Variants in CSMD1 observed in about 807,000 individuals in gnomAD.
CSMD1 encodes the protein CUB and sushi domain-containing protein 1.
CSMD1 carries 213 observed loss-of-function variants against 417.5 expected under a neutral mutation model. The ratio of observed to expected loss-of-function variants is 0.51; its 90% confidence interval spans 0.46 to 0.57. The LOEUF (loss-of-function observed/expected upper bound fraction) is 0.57, where lower values mean the gene tolerates loss of function less well. CSMD1 is among the 20% of genes least tolerant of loss of function. The probability of loss-of-function intolerance (pLI) is 0.00; values close to 1 mark genes in which losing one functional copy is unlikely to be tolerated. For missense variants in CSMD1, 6,923 were observed against 4,529.7 expected, an observed-to-expected ratio of 1.53 and a Z score of -15.17; for synonymous variants, 2,862 against 1,736.8, an observed-to-expected ratio of 1.65 and a Z score of -16.11.
At position 4,073,168 on chromosome 8, in the gene CSMD1, A is replaced by T. The variant is rs114034164; in HGVS notation, c.416-41069T>A. On this transcript the variant is annotated intron_variant, in intron 3 of 69. Transcript: ENST00000635120. ...CTTTTGTGATTTCACTTTTAGAAAA[A>T]ATCGAGATGAAGCACTTCAAAGAAC... 4.9e-3 allele frequency among the ~76,000 whole-genome samples: 752 copies of T among 152,292 alleles called. 8 individuals are homozygous for T. The highest frequency in any genetic ancestry group is 0.017 in the African/African-American group (720 of 41,558).
At chr8:2,949,188 A>G in intron 68 of CSMD1, 111 bp downstream of exon 68, 1 of 633,368 alleles carries the variant, frequency 1.6e-6, no homozygotes, top group Non-Finnish European at 2.8e-6. Context: ...AGTCTCTCTC[A>G]TTATTTTTGT....
At chr8:3,117,958 C>G (rs549015159) in intron 42 of CSMD1, among the ~76,000 whole-genome samples, 1 of 152,248 alleles carries the variant, frequency 6.6e-6, no homozygotes, top group South Asian at 2.1e-4. Context: ...TTCTGAAATG[C>G]AAAATCAATA....
chr8:3,354,978 G>C (rs1053464447), intron 21 of CSMD1, among the ~76,000 whole-genome samples: 3 of 90,884 alleles, frequency 3.3e-5, no homozygotes, highest in African/African-American at 1.0e-4. Context: ...TGTTAAACTA[G>C]ATATAAATTA....
At chr8:4,466,557 G>A (rs897824238) in intron 2 of CSMD1, among the ~76,000 whole-genome samples, 1 of 152,188 alleles carries the variant, frequency 6.6e-6, no homozygotes. Flanking sequence ...GAGCAAAAAT[G>A]GGCAAACAAA....
intron 3 of CSMD1, among the ~76,000 whole-genome samples, chr8:4,375,424 G>C (rs1802669955): frequency 1.3e-5 from 2 of 152,096 alleles, no homozygotes; most frequent in Non-Finnish European, 2.9e-5. Flanking sequence ...CAAGCATCTT[G>C]TACTACCCCA....
intron 12 of CSMD1, among the ~76,000 whole-genome samples, chr8:3,446,158 GC>G (rs1337180435): frequency 6.6e-6 from 1 of 152,136 alleles, no homozygotes; most frequent in African/African-American, 2.4e-5. Context: ...AATTGCCATG[GC>G]CCCAGGGAGA....
intron 20 of CSMD1, among the ~76,000 whole-genome samples, chr8:3,363,233 T>G (rs1312808343): frequency 6.6e-6 from 1 of 152,118 alleles, no homozygotes; most frequent in African/African-American, 2.4e-5. Flanking sequence ...AATTAAAGAA[T>G]GAGCGTACTC....
At chr8:4,085,601 A>G (rs564652045) in intron 3 of CSMD1, among the ~76,000 whole-genome samples, 2 of 152,296 alleles carry the variant, frequency 1.3e-5, no homozygotes, top group Admixed American at 6.5e-5. Flanking sequence ...GCTTGCAACA[A>G]CTTGTGGGAA....
chr8:3,520,549 TCATTTCTAGAAGTGCGTA>T (rs1043463980), intron 10 of CSMD1, among the ~76,000 whole-genome samples: 6 of 152,320 alleles, frequency 3.9e-5, no homozygotes, highest in East Asian at 1.9e-4. Context: ...TCAAATCCCA[TCATTTCTAGAAGTGCGTA>T]CATTTAACCT....
chr8:4,242,259 C>G lies in CSMD1; in HGVS notation c.415+177694G>C, dbSNP rs145692408. ...ATTTGCCAATCTTTATAAACATCATCTTCTGTGAATGCTTTACAGTGAAGG... is the reference window on the plus strand; with the variant it reads ...ATTTGCCAATCTTTATAAACATCATGTTCTGTGAATGCTTTACAGTGAAGG... On this transcript the variant is annotated intron_variant, in intron 3 of 69. Transcript: ENST00000635120. Among the ~76,000 whole-genome samples the G allele has an allele frequency of 2.0e-4, 30 of 152,188 alleles. No homozygotes were observed. In the East Asian group the frequency reaches 5.6e-3, roughly 28 times the overall value.
intron 3 of CSMD1, among the ~76,000 whole-genome samples, chr8:4,271,496 T>C (rs1258271176): frequency 2.6e-5 from 4 of 151,568 alleles, no homozygotes; most frequent in African/African-American, 9.7e-5. Flanking sequence ...GAGAAAAAAC[T>C]GCATCAAAAT....
intron 26 of CSMD1, among the ~76,000 whole-genome samples, chr8:3,243,451 G>T (rs1449112888): frequency 1.4e-5 from 2 of 145,152 alleles, no homozygotes; most frequent in African/African-American, 2.5e-5. Context: ...GTAGGTAAAG[G>T]AAAATTACAG....
At chr8:4,454,838 T>C (rs1314944816) in intron 2 of CSMD1, among the ~76,000 whole-genome samples, 1 of 152,070 alleles carries the variant, frequency 6.6e-6, no homozygotes, top group African/African-American at 2.4e-5. Flanking sequence ...AGCAAAGGTT[T>C]TTTTCCACAG....
At position 4,859,837 on chromosome 8, in the gene CSMD1, T is replaced by C. The variant is rs951013082; in HGVS notation, c.85+134495A>G. Among the ~76,000 whole-genome samples the C allele has an allele frequency of 5.3e-5, 8 of 152,282 alleles. 1 individual carries two copies. Among genetic ancestry groups the C allele is most frequent in the Middle Eastern group, 3.4e-3 (1 of 294 alleles). ...GGACTGTAAACTAGTTCAACCATTGTGGAAGTCAGTGTGGCGATTCCTCAG... is the reference window on the plus strand; with the variant it reads ...GGACTGTAAACTAGTTCAACCATTGCGGAAGTCAGTGTGGCGATTCCTCAG... On this transcript the variant is annotated intron_variant, in intron 1 of 69. Transcript: ENST00000635120.
chr8:4,225,015 G>C (rs955892197), intron 3 of CSMD1, among the ~76,000 whole-genome samples: 3 of 152,182 alleles, frequency 2.0e-5, no homozygotes, highest in Admixed American at 6.5e-5. Context: ...GGGAGGCTGA[G>C]GCAAGACAAT....
At chr8:3,419,736 A>G (rs1442600339) in intron 12 of CSMD1, among the ~76,000 whole-genome samples, 1 of 152,242 alleles carries the variant, frequency 6.6e-6, no homozygotes, top group Non-Finnish European at 1.5e-5. Flanking sequence ...CCAACATGTC[A>G]AGAAAAAAAT....
At chr8:4,412,554 TTTATACTAATACAAGA>T (rs1001839980) in intron 3 of CSMD1, among the ~76,000 whole-genome samples, 1 of 152,184 alleles carries the variant, frequency 6.6e-6, no homozygotes, top group African/African-American at 2.4e-5. Context: ...CCGGTATTTC[TTTATACTAATACAAGA>T]ATGGACTAAT....
intron 4 of CSMD1, among the ~76,000 whole-genome samples, chr8:4,000,395 T>A (rs77039391): frequency 7.2e-5 from 11 of 152,228 alleles, no homozygotes; most frequent in Non-Finnish European, 1.2e-4. Context: ...AATTGTATTT[T>A]TGAACAGAGA....
chr8:4,514,454 T>G (rs1410873051), intron 2 of CSMD1, among the ~76,000 whole-genome samples: 2 of 152,162 alleles, frequency 1.3e-5, no homozygotes, highest in Non-Finnish European at 2.9e-5. Flanking sequence ...GATATGCATT[T>G]TTAAGTAGCA....
Sources: gnomAD v4.1 joint callset for allele counts (sites outside exome capture counted in the v4.1 genomes callset) on GRCh38, gnomAD v4.1.1 for gene constraint, MANE v1.5 for transcripts, NCBI Gene and HGNC (gene_info 2026-07-23, HGNC 2026-07-21) for gene names.